Variants in CTNNA3 observed in about 807,000 individuals in gnomAD.
CTNNA3 encodes the protein catenin alpha 3.
CTNNA3 carries 76 observed loss-of-function variants against 95.7 expected under a neutral mutation model. That is an observed-to-expected ratio of 0.79 (90% confidence interval 0.66 to 0.96). The LOEUF is 0.96. Ranked by LOEUF, CTNNA3 falls within the 40% of genes least tolerant of loss-of-function variation. The pLI, the probability that CTNNA3 is intolerant of heterozygous loss-of-function variation, is 0.00. For missense variants in CTNNA3, 1,191 were observed against 1,089.8 expected (o/e 1.09, Z -1.31); for synonymous variants, 431 against 374.4 (o/e 1.15, Z -1.74).
chr10:67,404,808 GA>G (rs1845072732), intron 5 of CTNNA3, among the ~76,000 whole-genome samples: 1 of 152,144 alleles, frequency 6.6e-6, no homozygotes, highest in South Asian at 2.1e-4. Flanking sequence ...AAGGCCACTG[GA>G]AAGAAAGGCG....
At chr10:66,607,472 C>CAAAAAAAAAAAAAAAAAAAAAA (rs574854850) in intron 10 of CTNNA3, among the ~76,000 whole-genome samples, 4 of 45,282 alleles carry the variant, frequency 8.8e-5, no homozygotes, top group Admixed American at 3.3e-4. Context: ...CAGAGACAAC[C>CAAAAAAAAAAAAAAAAAAAAAA]AAAAAAAAAA....
chr10:66,890,401 A>G (rs1386221625), intron 7 of CTNNA3, among the ~76,000 whole-genome samples: 1 of 149,890 alleles, frequency 6.7e-6, no homozygotes, highest in Non-Finnish European at 1.5e-5. Flanking sequence ...GTAGCAAAGA[A>G]GGAGGAGAAC....
intron 9 of CTNNA3, among the ~76,000 whole-genome samples, chr10:66,699,961 T>C (rs1339407155): frequency 6.6e-6 from 1 of 152,098 alleles, no homozygotes; most frequent in Admixed American, 6.6e-5. Context: ...CTGGCCCACT[T>C]TGGTCATTTT....
At chr10:67,630,424 A>G (rs938119914) in intron 2 of CTNNA3, among the ~76,000 whole-genome samples, 3 of 152,196 alleles carry the variant, frequency 2.0e-5, no homozygotes, top group African/African-American at 4.8e-5. Flanking sequence ...AGATAAGTCT[A>G]TATTAGCCTG....
intron 11 of CTNNA3, among the ~76,000 whole-genome samples, chr10:66,386,521 C>T (rs1325581438): frequency 6.6e-6 from 1 of 152,088 alleles, no homozygotes; most frequent in East Asian, 1.9e-4. Flanking sequence ...CCATACTGCC[C>T]AAGGTAATTT....
At chr10:67,446,742 A>G (rs1846763748) in intron 5 of CTNNA3, among the ~76,000 whole-genome samples, 1 of 152,130 alleles carries the variant, frequency 6.6e-6, no homozygotes, top group Admixed American at 6.5e-5. Context: ...GGGAGATAGG[A>G]GCCCTATCTC....
At chr10:67,320,793 T>C (rs2620918) in intron 5 of CTNNA3, among the ~76,000 whole-genome samples, 106,154 of 152,106 alleles carry the variant, frequency 0.7, 41,508 homozygotes, top group Non-Finnish European at 0.88. Flanking sequence ...AGTCTGGGCA[T>C]ATTACAGAAT....
chr10:66,651,656 C>CTGCCGGCT (rs1845905914), intron 9 of CTNNA3, among the ~76,000 whole-genome samples: 2 of 152,044 alleles, frequency 1.3e-5, no homozygotes, highest in African/African-American at 4.8e-5. Flanking sequence ...CAGTGCCCGC[C>CTGCCGGCT]GGCCGGCACT....
At chr10:66,683,587 A>T (rs1847143000) in intron 9 of CTNNA3, among the ~76,000 whole-genome samples, 1 of 152,216 alleles carries the variant, frequency 6.6e-6, no homozygotes, top group Non-Finnish European at 1.5e-5. Context: ...AATGTTTGAC[A>T]GGCAAAAATA....
chr10:66,541,228 T>C (rs1374565708), intron 10 of CTNNA3, among the ~76,000 whole-genome samples: 2 of 152,150 alleles, frequency 1.3e-5, no homozygotes, highest in Non-Finnish European at 2.9e-5. Flanking sequence ...GCCAACATTG[T>C]ATTTATACCA....
chr10:66,208,495 T>C (rs1046613774), intron 13 of CTNNA3, among the ~76,000 whole-genome samples: 7 of 152,150 alleles, frequency 4.6e-5, no homozygotes, highest in Non-Finnish European at 8.8e-5. Flanking sequence ...TACTGTGCAG[T>C]TTCCACACAT....
At chr10:66,765,585 C>T (rs1031504531) in intron 9 of CTNNA3, among the ~76,000 whole-genome samples, 2 of 152,136 alleles carry the variant, frequency 1.3e-5, no homozygotes, top group African/African-American at 4.8e-5. Context: ...AGACATTCCT[C>T]CATTCAGGCT....
At chr10:66,543,905 G>GTA (rs1189402508) in intron 10 of CTNNA3, among the ~76,000 whole-genome samples, 11 of 102,198 alleles carry the variant, frequency 1.1e-4, no homozygotes, top group Non-Finnish European at 1.8e-4. Flanking sequence ...TGAGATGTGT[G>GTA]TGTGTGTATA....
chr10:66,604,994 G>T (rs554399805), intron 10 of CTNNA3, among the ~76,000 whole-genome samples: 24 of 152,198 alleles, frequency 1.6e-4, no homozygotes, highest in Non-Finnish European at 2.8e-4. Flanking sequence ...TTCAGAATAT[G>T]GATAGGAACA....
intron 4 of CTNNA3, among the ~76,000 whole-genome samples, chr10:67,523,384 T>A (rs569795425): frequency 1.4e-4 from 21 of 152,324 alleles, no homozygotes; most frequent in African/African-American, 4.8e-4. Context: ...CTTTCCAATT[T>A]AATCTTCACA....
At chr10:67,240,235 G>A (rs567637244) in intron 5 of CTNNA3, among the ~76,000 whole-genome samples, 1 of 152,140 alleles carries the variant, frequency 6.6e-6, no homozygotes. Context: ...TGTATACTTT[G>A]CTATTTGGAT....
intron 2 of CTNNA3, among the ~76,000 whole-genome samples, chr10:67,641,033 C>T (rs182678845): frequency 2.6e-5 from 4 of 152,236 alleles, no homozygotes; most frequent in Admixed American, 2.6e-4. Flanking sequence ...AGAGCTTCCG[C>T]ACAGCAAAAG....
intron 9 of CTNNA3, among the ~76,000 whole-genome samples, chr10:66,758,201 C>T (rs1184798067): frequency 6.6e-6 from 1 of 152,030 alleles, no homozygotes; most frequent in Non-Finnish European, 1.5e-5. Context: ...CTTTCAATGC[C>T]AGGAATGGAG....
At chr10:66,940,388 A>G (rs896614506) in intron 7 of CTNNA3, among the ~76,000 whole-genome samples, 1 of 152,254 alleles carries the variant, frequency 6.6e-6, no homozygotes, top group East Asian at 1.9e-4. Flanking sequence ...CTGAAGTGGG[A>G]GGACTGCTTA....
Sources: allele counts gnomAD v4.1 joint callset (sites outside exome capture counted in the v4.1 genomes callset), GRCh38; gene constraint gnomAD v4.1.1; transcripts MANE v1.5; gene names NCBI Gene and HGNC (gene_info 2026-07-23, HGNC 2026-07-21).